C6orf141: variants seen among roughly 807,000 people sequenced by gnomAD.
C6orf141 encodes the protein chromosome 6 open reading frame 141.
For synonymous variants in C6orf141, 164 were observed against 140.5 expected (o/e 1.17, Z -1.18); for missense variants, 361 against 335.8 (o/e 1.07, Z -0.59).
downstream of C6orf141, among the ~76,000 whole-genome samples, chr6:49,554,019 A>G (rs1581899653): frequency 2.6e-5 from 4 of 152,306 alleles, no homozygotes; most frequent in South Asian, 8.3e-4. Context: ...CTACTCCTGA[A>G]AGAAAGGACT....
exon 1 of C6orf141, chr6:49,551,326 GGGTCGCAT>G (rs1561990393): frequency 1.3e-6 from 2 of 1,551,714 alleles, no homozygotes; most frequent in East Asian, 2.4e-5. Flanking sequence ...CCTGGGCCAA[GGGTCGCAT>G]GACCACGAGG....
rs577836876 is a variant in C6orf141, at chr6:49,558,612, A to G, written c.*764-3092A>G. Among the ~76,000 whole-genome samples the G allele has an allele frequency of 7.0e-4, 106 of 152,208 alleles. 1 individual carries two copies. The highest frequency in any genetic ancestry group is 5.6e-4 in the Non-Finnish European group (38 of 68,010). On this transcript the variant is annotated intron_variant and NMD_transcript_variant, in intron 4 of 4. Transcript: ENST00000371194. ...ATTAAGGTGAATAAAAAATTCTTAG[A>G]ACAGTGTCTGGCCTATAATAAATAC...
chr6:49,551,518 T>G lies in C6orf141; in HGVS notation c.726T>G (p.Ile242Met), dbSNP rs905748280. The change falls in exon 1 of 1, where the codon ATT becomes ATG. Residue 242 changes from isoleucine to methionine, a missense_variant. By Grantham distance (10) the Ile-to-Met change is conservative. Coordinates refer to ENST00000529246, the MANE Select transcript of C6orf141 (RefSeq NM_001145652.2). Reference sequence around the variant, plus strand: ...CTCCAGGGACTTGGCTCGAGGAAATTAAACTCTAATGAGTAGCTCGAGAAA... The same window carrying G: ...CTCCAGGGACTTGGCTCGAGGAAATGAAACTCTAATGAGTAGCTCGAGAAA... ...SPSPGTWLEEIKL is the reference protein window; with the variant it reads ...SPSPGTWLEEMKL The G allele has an allele frequency of 4.5e-6, 7 of 1,550,698 alleles. No individual in the cohort carries two copies. The African/African-American group carries it at 8.2e-5, about 18-fold the overall frequency.
At chr6:49,554,689 G>A (rs987720445), downstream of C6orf141, among the ~76,000 whole-genome samples, 3 of 151,998 alleles carry the variant, frequency 2.0e-5, no homozygotes, top group South Asian at 2.1e-4. Flanking sequence ...GCCTGTTTGA[G>A]TTAATTTTAA....
chr6:49,551,341 G>A lies in C6orf141; in HGVS notation c.549G>A (p.Thr183=), dbSNP rs372707029. ...QTSWAKGRMT[T]RTEEHFVTAL... ...CCTGGGCCAAGGGTCGCATGACCAC[G>A]AGGACTGAGGAGCACTTCGTGACCG... The change falls in exon 1 of 1, where the codon ACG becomes ACA. Residue 183 remains threonine (T), a synonymous_variant. Transcript: ENST00000529246. 1 of 1,551,598 alleles carries A rather than the reference G, an allele frequency of 6.4e-7. No individual in the cohort carries two copies. Among genetic ancestry groups the A allele is most frequent in the African/African-American group, 1.4e-5 (1 of 73,054 alleles).
downstream of C6orf141, chr6:49,554,787 A>T (rs1407598324): frequency 3.3e-5 from 5 of 152,136 alleles, no homozygotes; most frequent in Non-Finnish European, 7.3e-5. Flanking sequence ...AACTGCCTAG[A>T]ACATGTTTAT....
At chr6:49,561,137 G>A (rs1313045497) in intron 4 of C6orf141, among the ~76,000 whole-genome samples, 3 of 144,220 alleles carry the variant, frequency 2.1e-5, no homozygotes, top group Non-Finnish European at 3.0e-5. Flanking sequence ...TTTCTCTGTC[G>A]CCCAGGCTAG....
chr6:49,557,003 C>T (rs1165555451), downstream of C6orf141, among the ~76,000 whole-genome samples: 1 of 152,118 alleles, frequency 6.6e-6, no homozygotes, highest in African/African-American at 2.4e-5. Context: ...CCTGTAATCC[C>T]AGCACTTTGG....
Position 49,558,059 on chromosome 6 carries a change from G to GTTTTT in C6orf141, c.*763+2922_*763+2926dup, listed in dbSNP as rs71002664. 1.6e-3 allele frequency among the ~76,000 whole-genome samples: 154 copies of GTTTTT among 97,622 alleles called. 4 individuals are homozygous for GTTTTT. The highest frequency in any genetic ancestry group is 1.8e-3 in the Non-Finnish European group (91 of 51,434). 64.0% of individuals were successfully genotyped at this position (97,622 alleles called of 152,430 possible). On this transcript the variant is annotated intron_variant and NMD_transcript_variant, in intron 4 of 4. Transcript: ENST00000371194. ...AGTGCATGCCGTTACACTCAAATAT[G>GTTTTT]TTTTTTTTTTTTTTTTTTTTTTTTA...
At position 49,551,397 on chromosome 6, in the gene C6orf141, A is replaced by G. The variant is rs1208009738; in HGVS notation, c.605A>G (p.Gln202Arg). ...ALTFRSSREG[Q>R]PGERWGPAES... is the part of the protein sequence containing the mutation. ...ACTTTTCGCAGCAGTAGAGAGGGAC[A>G]GCCTGGGGAACGCTGGGGCCCTGCT... Residue 202 changes from glutamine to arginine, a missense_variant, in exon 1 of 1, where the codon CAG (glutamine) becomes CGG (arginine). Gln to Arg is a conservative substitution (Grantham distance 43). Coordinates refer to ENST00000529246, the MANE Select transcript of C6orf141 (RefSeq NM_001145652.2). 1.1e-5 allele frequency: 17 copies of G among 1,551,570 alleles called. No homozygotes were observed. Among genetic ancestry groups the G allele is most frequent in the Non-Finnish European group, 1.4e-5 (16 of 1,147,002 alleles).
chr6:49,557,012 G>A (rs1772083979), downstream of C6orf141, among the ~76,000 whole-genome samples: 1 of 152,172 alleles, frequency 6.6e-6, no homozygotes, highest in Non-Finnish European at 1.5e-5. Flanking sequence ...CCAGCACTTT[G>A]GGAGGCCAAA....
chr6:49,551,735 C>T lies in C6orf141; in HGVS notation c.*208C>T. The T allele has an allele frequency of 7.1e-7, 1 of 1,411,572 alleles. No individual in the cohort carries two copies. 87.4% of individuals were successfully genotyped at this position (1,411,572 alleles called of 1,614,324 possible). A position where few individuals can be genotyped will look rare whatever the true frequency, so the allele number is the denominator to read the frequency against. On this transcript the variant is annotated 3_prime_UTR_variant, in exon 1 of 1. Transcript: ENST00000529246. The stretch of plus-strand genomic sequence containing the variant: ...TCCTTCGCTGTCTGGGGACCTAAGT[C>T]ATTCAGAAGAGGTGGAGAAAAGATA...
chr6:49,555,974 A>G (rs1471337494), downstream of C6orf141, among the ~76,000 whole-genome samples: 3 of 152,360 alleles, frequency 2.0e-5, no homozygotes, highest in Non-Finnish European at 2.9e-5. Flanking sequence ...CTTTCTAAGC[A>G]TAAACTATAT....
chr6:49,551,348 G>A lies in C6orf141; in HGVS notation c.556G>A (p.Glu186Lys), dbSNP rs1376355994. 1.3e-6 allele frequency: 2 copies of A among 1,551,712 alleles called. No individual in the cohort carries two copies. The change falls in exon 1 of 1, where the codon GAG becomes AAG. Residue 186 changes from glutamate to lysine, a missense_variant. Transcript: ENST00000529246. ...CAAGGGTCGCATGACCACGAGGACT[G>A]AGGAGCACTTCGTGACCGCGCTCAC... Reference protein sequence around the residue: ...WAKGRMTTRTEEHFVTALTFR... With the variant: ...WAKGRMTTRTKEHFVTALTFR...
rs528064594 is a variant in C6orf141, at chr6:49,551,275, G to A, written c.483G>A (p.Arg161=). The A allele has an allele frequency of 1.9e-6, 3 of 1,551,636 alleles. No homozygotes were observed. Among genetic ancestry groups the A allele is most frequent in the Non-Finnish European group, 2.6e-6 (3 of 1,147,018 alleles). The part of the protein sequence containing the change: ...AADPPKYVLV[R]VEDYQVTQEV... ...ACCCACCCAAATACGTGCTTGTGCG[G>A]GTGGAGGATTATCAGGTAACACAAG... Residue 161 remains arginine (R), a synonymous_variant, in exon 1 of 1, where the codon CGG becomes CGA. Coordinates refer to ENST00000529246, the MANE Select transcript of C6orf141 (RefSeq NM_001145652.2).
At chr6:49,553,782 G>A (rs1298296555), downstream of C6orf141, among the ~76,000 whole-genome samples, 1 of 18,296 alleles carries the variant, frequency 5.5e-5, no homozygotes, top group Non-Finnish European at 3.1e-4. Flanking sequence ...CTTCATAGAG[G>A]GTTTTTTTTT....
chr6:49,561,207 C>T (rs7743540), intron 4 of C6orf141, among the ~76,000 whole-genome samples: 79,057 of 151,738 alleles, frequency 0.52, 21,165 homozygotes, highest in Admixed American at 0.67. Context: ...AAGCGATTCT[C>T]GTGCCTCAGC....
At chr6:49,553,811 G>A (rs1167828313), downstream of C6orf141, among the ~76,000 whole-genome samples, 1 of 151,604 alleles carries the variant, frequency 6.6e-6, no homozygotes, top group Non-Finnish European at 1.5e-5. Flanking sequence ...TAAGTTAAAT[G>A]AAAATACTTA....
chr6:49,557,410 G>A (rs961023722), intron 4 of C6orf141, among the ~76,000 whole-genome samples: 2 of 152,158 alleles, frequency 1.3e-5, no homozygotes, highest in Non-Finnish European at 2.9e-5. Flanking sequence ...AGCGAAGGCA[G>A]GTAGGGCAAT....
Sources: gnomAD v4.1 joint callset for allele counts (sites outside exome capture counted in the v4.1 genomes callset) on GRCh38, gnomAD v4.1.1 for gene constraint, MANE v1.5 for transcripts, NCBI Gene and HGNC (gene_info 2026-07-23, HGNC 2026-07-21) for gene names.